Variants in AFG2A observed in about 807,000 individuals in gnomAD.
AFG2A encodes the protein ATPase family gene 2 protein homolog A.
the AFG2A span, among the ~76,000 whole-genome samples, chr4:123,224,804 T>C: frequency 6.6e-6 from 1 of 152,238 alleles, no homozygotes; most frequent in Non-Finnish European, 1.5e-5. Context: ...CCACAATGGT[T>C]GAACTAGTTT....
chr4:123,261,879 A>C, the AFG2A span, among the ~76,000 whole-genome samples: 1 of 152,138 alleles, frequency 6.6e-6, no homozygotes, highest in Non-Finnish European at 1.5e-5. Context: ...TCCTGGGCTC[A>C]AGTGGTCCTC....
chr4:123,224,479 C>A, the AFG2A span, among the ~76,000 whole-genome samples: 1 of 151,674 alleles, frequency 6.6e-6, no homozygotes, highest in African/African-American at 2.4e-5. Flanking sequence ...TTTGTCCTTG[C>A]GATAGTTTGC....
the AFG2A span, among the ~76,000 whole-genome samples, chr4:123,127,367 CA>C: frequency 2.1e-4 from 32 of 152,234 alleles, no homozygotes; most frequent in Middle Eastern, 3.4e-3. Context: ...AATTTCACAT[CA>C]GCAGAGGGCA....
At chr4:123,237,659 T>C in the AFG2A span, among the ~76,000 whole-genome samples, 1 of 103,320 alleles carries the variant, frequency 9.7e-6, no homozygotes. Context: ...GGCGACAGAG[T>C]GAAACCTTGT....
At chr4:122,999,470 T>G in the AFG2A span, among the ~76,000 whole-genome samples, 1 of 152,170 alleles carries the variant, frequency 6.6e-6, no homozygotes, top group East Asian at 1.9e-4. Flanking sequence ...TAATCCATCT[T>G]GAATTAATTT....
chr4:123,246,431 C>T, the AFG2A span, among the ~76,000 whole-genome samples: 1 of 152,172 alleles, frequency 6.6e-6, no homozygotes, highest in Non-Finnish European at 1.5e-5. Context: ...TGTCTCTTTC[C>T]TCATTAAAAA....
chr4:123,049,395 A>G, the AFG2A span, among the ~76,000 whole-genome samples: 8 of 151,590 alleles, frequency 5.3e-5, no homozygotes, highest in Non-Finnish European at 1.2e-4. Context: ...TTCTCCCTTC[A>G]TTTTTTTTGA....
chr4:123,299,287 A>G, the AFG2A span, among the ~76,000 whole-genome samples: 1 of 152,228 alleles, frequency 6.6e-6, no homozygotes, highest in Non-Finnish European at 1.5e-5. Context: ...TAAAATGTGT[A>G]CAAAAGATAT....
the AFG2A span, chr4:122,938,129 C>A: frequency 4.4e-6 from 7 of 1,597,432 alleles, no homozygotes; most frequent in South Asian, 6.9e-5. Context: ...TTTTTAGACA[C>A]CCATCAATTA....
the AFG2A span, among the ~76,000 whole-genome samples, chr4:122,981,075 G>A: frequency 6.6e-6 from 1 of 151,914 alleles, no homozygotes; most frequent in Non-Finnish European, 1.5e-5. Flanking sequence ...CATTGCCCTG[G>A]ACCCATGCCA....
the AFG2A span, among the ~76,000 whole-genome samples, chr4:122,964,479 G>C: frequency 6.8e-6 from 1 of 146,532 alleles, no homozygotes; most frequent in Admixed American, 7.0e-5. Flanking sequence ...ACTTCAGCCT[G>C]GGCAACAGAG....
chr4:123,024,901 G>A, the AFG2A span, among the ~76,000 whole-genome samples: 1 of 152,278 alleles, frequency 6.6e-6, no homozygotes, highest in Admixed American at 6.5e-5. Context: ...ACAGGCTCCT[G>A]GTCCTTCTCC....
At chr4:123,102,432 G>C in the AFG2A span, 1 of 151,650 alleles carries the variant, frequency 6.6e-6, no homozygotes, top group East Asian at 1.9e-4. Context: ...AGGAGAACTT[G>C]TTGAGCAGCA....
chr4:123,068,021 G>A, the AFG2A span, among the ~76,000 whole-genome samples: 1 of 152,240 alleles, frequency 6.6e-6, no homozygotes, highest in South Asian at 2.1e-4. Context: ...TTTGGAAAGG[G>A]GGCTTGACTT....
the AFG2A span, among the ~76,000 whole-genome samples, chr4:123,212,707 G>T: frequency 6.6e-6 from 1 of 152,132 alleles, no homozygotes; most frequent in Non-Finnish European, 1.5e-5. Context: ...CAGGGATCAG[G>T]CAAAATTGCT....
At chr4:123,268,848 C>T in the AFG2A span, among the ~76,000 whole-genome samples, 1 of 152,100 alleles carries the variant, frequency 6.6e-6, no homozygotes, top group South Asian at 2.1e-4. Flanking sequence ...AGAGAATTCC[C>T]AGAGCAATAA....
the AFG2A span, among the ~76,000 whole-genome samples, chr4:123,021,245 T>TG: frequency 2.6e-5 from 4 of 152,020 alleles, no homozygotes; most frequent in Non-Finnish European, 4.4e-5. Context: ...ATTTTTGAAA[T>TG]GGACTCTTTG....
At chr4:123,212,332 C>G in the AFG2A span, among the ~76,000 whole-genome samples, 1 of 152,064 alleles carries the variant, frequency 6.6e-6, no homozygotes, top group Non-Finnish European at 1.5e-5. Flanking sequence ...CCTATTCACC[C>G]CTCTACACAG....
chr4:123,058,223 C>T, the AFG2A span, among the ~76,000 whole-genome samples: 1 of 152,148 alleles, frequency 6.6e-6, no homozygotes, highest in African/African-American at 2.4e-5. Flanking sequence ...CTCACAGTTC[C>T]ACGTGGCTAG....
Sources: gnomAD v4.1 joint callset for allele counts (sites outside exome capture counted in the v4.1 genomes callset) on GRCh38, gnomAD v4.1.1 for gene constraint, MANE v1.5 for transcripts, NCBI Gene and HGNC (gene_info 2026-07-23, HGNC 2026-07-21) for gene names.